Variants in SEC24B observed in about 807,000 individuals in gnomAD.
SEC24B encodes protein transport protein Sec24B.
SEC24B carries 45 observed loss-of-function variants against 142.8 expected under a neutral mutation model. The observed-to-expected ratio is 0.32, with a 90% CI of 0.25 to 0.40. The LOEUF is 0.40. Ranked by LOEUF, SEC24B falls within the 10% of genes least tolerant of loss-of-function variation. The pLI, the probability that SEC24B is intolerant of heterozygous loss-of-function variation, is 1.00. For synonymous variants in SEC24B, 574 were observed against 568.2 expected, an observed-to-expected ratio of 1.01 and a Z score of -0.15; for missense variants, 1,409 against 1,526.8, an observed-to-expected ratio of 0.92 and a Z score of 1.29.
intron 4 of SEC24B, among the ~76,000 whole-genome samples, chr4:109,486,526 C>T (rs1442644578): frequency 6.6e-6 from 1 of 152,188 alleles, no homozygotes; most frequent in African/African-American, 2.4e-5. Flanking sequence ...AGCTCCCTCT[C>T]TTTTTCTCTT....
chr4:109,521,309 A>G, intron 13 of SEC24B, 111 bp from the exon 14 acceptor site: 1 of 1,032,746 alleles, frequency 9.7e-7, no homozygotes. Context: ...TTGACTCCTC[A>G]GTTTCCAGTC....
chr4:109,506,320 T>C lies in SEC24B; in HGVS notation c.1489-8T>C, dbSNP rs756725358. On this transcript the variant is annotated splice_region_variant and splice_polypyrimidine_tract_variant and intron_variant, in intron 6 of 23. Transcript: ENST00000265175. ...GTTCTTTTATTTTGTTTTGAATTGC[T>C]CTTTCAGCAGTATCCTGGTGTGAAC... The C allele has an allele frequency of 1.3e-6, 2 of 1,511,502 alleles. No individual in the cohort carries two copies. The highest frequency in any genetic ancestry group is 1.8e-6 in the Non-Finnish European group (2 of 1,133,654). 93.6% of individuals were successfully genotyped at this position (1,511,502 alleles called of 1,614,324 possible). A position where few individuals can be genotyped will look rare whatever the true frequency, so the allele number is the denominator to read the frequency against.
chr4:109,444,960 G>A (rs1453431466), intron 1 of SEC24B, among the ~76,000 whole-genome samples: 1 of 151,942 alleles, frequency 6.6e-6, no homozygotes, highest in East Asian at 1.9e-4. Flanking sequence ...TTGACACAGG[G>A]TCTCACTCTG....
intron 10 of SEC24B, among the ~76,000 whole-genome samples, chr4:109,514,595 A>C (rs532152416): frequency 5.3e-4 from 80 of 152,326 alleles, no homozygotes; most frequent in Non-Finnish European, 1.0e-3. Context: ...GCTGCTAGGG[A>C]GGCTGAGGCC....
At chr4:109,486,843 A>C (rs1734408126) in intron 4 of SEC24B, among the ~76,000 whole-genome samples, 2 of 152,156 alleles carry the variant, frequency 1.3e-5, no homozygotes. Flanking sequence ...TATGATAGGG[A>C]AACAGATACC....
In SEC24B at chr4:109,483,003, C is replaced by CACACACAT. The variant is rs1408633373; in HGVS notation, c.1165+1223_1165+1224insCACACATA. On this transcript the variant is annotated intron_variant, in intron 4 of 23. Coordinates refer to ENST00000265175, the MANE Select transcript of SEC24B (RefSeq NM_006323.5). ...ATACACACACACACACACACACACACATATTATACATATGTTTTTTATATA... is the reference window on the plus strand; with the variant it reads ...ATACACACACACACACACACACACACACACACATATATTATACATATGTTTTTTATATA... Among the ~76,000 whole-genome samples, 98 of 84,004 alleles carry CACACACAT rather than the reference C, an allele frequency of 1.2e-3. 3 individuals are homozygous for CACACACAT. The highest frequency in any genetic ancestry group is 5.4e-3 in the African/African-American group (65 of 12,128). The allele number at this position is 84,004 out of a possible 152,430, so 55.1% of individuals were successfully genotyped here. A position where few individuals can be genotyped will look rare whatever the true frequency, so the allele number is the denominator to read the frequency against.
intron 18 of SEC24B, 75 bp from the exon 19 acceptor site, chr4:109,530,214 C>T (rs1456317958): frequency 2.4e-6 from 3 of 1,258,028 alleles, no homozygotes; most frequent in African/African-American, 1.5e-5. Context: ...TTAAATAATG[C>T]GTATAAATTT....
intron 1 of SEC24B, among the ~76,000 whole-genome samples, chr4:109,455,885 A>G (rs773670021): frequency 1.1e-4 from 16 of 152,146 alleles, no homozygotes; most frequent in Non-Finnish European, 2.1e-4. Flanking sequence ...TACTATAGAA[A>G]TTTTAGAATC....
intron 4 of SEC24B, among the ~76,000 whole-genome samples, chr4:109,490,537 T>C (rs1734919267): frequency 6.6e-6 from 1 of 152,048 alleles, no homozygotes; most frequent in African/African-American, 2.4e-5. Context: ...ATTTTATTCA[T>C]CATAATATAC....
In SEC24B at chr4:109,526,249, G is replaced by A. The variant is rs368176320; in HGVS notation, c.2815G>A (p.Gly939Ser). Reference protein sequence around the residue: ...TKGLSMHTFHGNFFVRSTDLL... With the variant: ...TKGLSMHTFHSNFFVRSTDLL... ...AGGTCTTTCAATGCACACTTTTCAC[G>A]GTAACTTCTTTGTCCGTTCTACTGA... Residue 939 changes from glycine (G) to serine (S), a missense_variant, in exon 17 of 24, where the codon GGT (glycine) becomes AGT (serine). Gly to Ser is a moderately conservative substitution (Grantham distance 56). This residue lies in a region of SEC24B where 700 missense variants were observed against 853.3 expected (regional missense o/e 0.82). Coordinates refer to ENST00000265175, the MANE Select transcript of SEC24B (RefSeq NM_006323.5). 4 of 1,613,262 alleles carry A rather than the reference G, an allele frequency of 2.5e-6. No homozygotes were observed. The highest frequency in any genetic ancestry group is 1.3e-5 in the African/African-American group (1 of 74,806).
Position 109,532,742 on chromosome 4 carries a change from C to G in SEC24B, c.3494C>G (p.Ser1165Cys), listed in dbSNP as rs1455845671. ...REGAFLMDCGSVFYIWVGKGC... is the reference protein window; with the variant it reads ...REGAFLMDCGCVFYIWVGKGC... ...GGTGCTTTCCTTATGGACTGTGGCT[C>G]TGTAAGCACCCTTTACTGGCAAAGC... The change falls in exon 21 of 24, where the codon TCT becomes TGT. Residue 1165 changes from serine to cysteine, a missense_variant and splice_region_variant. Coordinates refer to ENST00000265175, the MANE Select transcript of SEC24B (RefSeq NM_006323.5). 6.9e-7 allele frequency: 1 copy of G among 1,452,538 alleles called. No individual in the cohort carries two copies. The highest frequency in any genetic ancestry group is 1.7e-5 in the Admixed American group (1 of 59,760). 90.0% of individuals were successfully genotyped at this position (1,452,538 alleles called of 1,614,324 possible). A position where few individuals can be genotyped will look rare whatever the true frequency, so the allele number is the denominator to read the frequency against.
rs1001995946 is a variant in SEC24B, at chr4:109,530,599, A to G, written c.3252+135A>G. On this transcript the variant is annotated intron_variant, in intron 19 of 23. Transcript: ENST00000265175. ...CACTTTAGCATTGAAAGAGTTTTGA[A>G]GAATAGAAAAAGATCAATGGGGCCA... The G allele has an allele frequency of 1.7e-5, 13 of 785,052 alleles. No individual in the cohort carries two copies. In the Admixed American group the frequency reaches 3.8e-4, roughly 23 times the overall value. 48.6% of individuals were successfully genotyped at this position (785,052 alleles called of 1,614,324 possible). A position where few individuals can be genotyped will look rare whatever the true frequency, so the allele number is the denominator to read the frequency against.
intron 5 of SEC24B, 90 bp downstream of exon 5, chr4:109,491,497 C>T: frequency 3.3e-6 from 3 of 919,232 alleles, no homozygotes; most frequent in South Asian, 3.2e-5. Context: ...CACATAATAG[C>T]AGGCTATATT....
chr4:109,485,941 A>T (rs1454178901), intron 4 of SEC24B, among the ~76,000 whole-genome samples: 2 of 152,228 alleles, frequency 1.3e-5, no homozygotes, highest in African/African-American at 4.8e-5. Context: ...GTGGAGAATC[A>T]GAAGTTACTG....
chr4:109,472,084 TG>T (rs1732578986), intron 2 of SEC24B, among the ~76,000 whole-genome samples: 1 of 152,232 alleles, frequency 6.6e-6, no homozygotes, highest in Admixed American at 6.5e-5. Context: ...GTTTTTACAC[TG>T]TTAGGACATA....
intron 11 of SEC24B, 47 bp from the exon 12 acceptor site, chr4:109,520,317 AAT>A (rs1483138023): frequency 9.5e-7 from 1 of 1,057,988 alleles, no homozygotes. Context: ...TCTGAAATGA[AAT>A]ATGTTACTGA....
chr4:109,468,781 T>G (rs1410745900), intron 2 of SEC24B, among the ~76,000 whole-genome samples: 2 of 152,234 alleles, frequency 1.3e-5, no homozygotes, highest in Non-Finnish European at 2.9e-5. Context: ...GAATACAAGA[T>G]GACTTAAAAT....
At chr4:109,493,436 A>C (rs1735214217) in intron 5 of SEC24B, among the ~76,000 whole-genome samples, 1 of 152,216 alleles carries the variant, frequency 6.6e-6, no homozygotes, top group South Asian at 2.1e-4. Flanking sequence ...CCAAATTGTT[A>C]ATAATGGTTA....
At chr4:109,532,800 A>G (rs1725075512) in intron 21 of SEC24B, 57 bp downstream of exon 21, 3 of 856,104 alleles carry the variant, frequency 3.5e-6, no homozygotes, top group African/African-American at 1.7e-5. Flanking sequence ...AAAACAAAGA[A>G]ACACTTATAG....
Sources: gnomAD v4.1 joint callset for allele counts (sites outside exome capture counted in the v4.1 genomes callset) on GRCh38, gnomAD v4.1.1 for gene constraint, gnomAD v4.1.1 regional missense constraint, MANE v1.5 for transcripts, NCBI Gene and HGNC (gene_info 2026-07-23, HGNC 2026-07-21) for gene names.